Variants in EYS observed in about 807,000 individuals in gnomAD.
EYS encodes the protein protein eyes shut homolog.
EYS carries 250 observed loss-of-function variants against 282.1 expected under a neutral mutation model. That is an observed-to-expected ratio of 0.89 (90% CI 0.80 to 0.98). EYS has a LOEUF of 0.98. Among genes scored for constraint, EYS ranks in the 50% least tolerant of loss-of-function variants. The pLI, the probability that EYS is intolerant of heterozygous loss-of-function variation, is 0.00. For synonymous variants in EYS, 1,355 were observed against 1,282.9 expected (o/e 1.06, Z -1.20); for missense variants, 4,016 against 3,709.0 (o/e 1.08, Z -2.15).
chr6:63,760,678 A>G (rs574874765), intron 41 of EYS, among the ~76,000 whole-genome samples: 15 of 150,848 alleles, frequency 9.9e-5, no homozygotes, highest in African/African-American at 2.7e-4. Context: ...CTATCTATCT[A>G]TCTATCTATC....
At position 63,947,910 on chromosome 6, in the gene EYS, CA is replaced by C. The variant is rs113623702; in HGVS notation, c.7055+36472del. Among the ~76,000 whole-genome samples the C allele has an allele frequency of 2.6e-3, 394 of 152,140 alleles. 1 individual carries two copies. Among genetic ancestry groups the C allele is most frequent in the African/African-American group, 3.9e-3 (160 of 41,514 alleles). ...ACATAACGTTATTCATTATTTAGGC[CA>C]ATATAGCAAGGTTTTTAGTAATAAG... On this transcript the variant is annotated intron_variant, in intron 35 of 42. Transcript: ENST00000503581.
At chr6:63,896,425 G>A (rs2149728358) in intron 35 of EYS, among the ~76,000 whole-genome samples, 1 of 152,188 alleles carries the variant, frequency 6.6e-6, no homozygotes, top group African/African-American at 2.4e-5. Flanking sequence ...GGAATTTTAT[G>A]TTCACAGCAA....
intron 12 of EYS, among the ~76,000 whole-genome samples, chr6:65,149,045 G>A (rs934377642): frequency 2.0e-5 from 3 of 152,080 alleles, no homozygotes; most frequent in African/African-American, 7.2e-5. Flanking sequence ...GCATGTAATG[G>A]GAAGGGCTGC....
chr6:64,210,776 T>C (rs569052336), intron 31 of EYS, among the ~76,000 whole-genome samples: 107 of 152,020 alleles, frequency 7.0e-4, no homozygotes, highest in African/African-American at 2.3e-3. Context: ...ACAGAGGAGA[T>C]TGGTGTGTGA....
chr6:64,804,751 C>T (rs1764371811), intron 22 of EYS, among the ~76,000 whole-genome samples: 1 of 152,150 alleles, frequency 6.6e-6, no homozygotes, highest in South Asian at 2.1e-4. Flanking sequence ...TTGAATATAT[C>T]TGTGTATTTA....
intron 29 of EYS, among the ~76,000 whole-genome samples, chr6:64,335,248 C>CG (rs1554145222): frequency 3.2e-4 from 43 of 135,504 alleles, no homozygotes; most frequent in Non-Finnish European, 5.6e-4. Flanking sequence ...TGACTCCCCC[C>CG]ACCCCCCCTC....
chr6:63,891,611 C>T (rs1036807289), intron 35 of EYS, among the ~76,000 whole-genome samples: 2 of 152,140 alleles, frequency 1.3e-5, no homozygotes, highest in African/African-American at 4.8e-5. Flanking sequence ...CTATTTATGA[C>T]AAACCCATGG....
intron 12 of EYS, among the ~76,000 whole-genome samples, chr6:65,274,663 T>A (rs1767994447): frequency 6.6e-6 from 1 of 152,170 alleles, no homozygotes; most frequent in Admixed American, 6.5e-5. Flanking sequence ...CTTTACTTTC[T>A]ATAAGATATC....
intron 39 of EYS, among the ~76,000 whole-genome samples, chr6:63,785,779 C>G (rs891520434): frequency 5.9e-5 from 9 of 152,084 alleles, no homozygotes; most frequent in Non-Finnish European, 1.3e-4. Flanking sequence ...GAGGCCGAGG[C>G]AGGCGGATGG....
chr6:64,206,518 G>GA (rs1765612026), intron 31 of EYS, among the ~76,000 whole-genome samples: 2 of 152,122 alleles, frequency 1.3e-5, no homozygotes, highest in African/African-American at 4.8e-5. Flanking sequence ...GAAATTCTGT[G>GA]ACTTTTGTCA....
At chr6:63,735,637 A>T (rs1325397785) in intron 41 of EYS, among the ~76,000 whole-genome samples, 1 of 152,142 alleles carries the variant, frequency 6.6e-6, no homozygotes, top group Non-Finnish European at 1.5e-5. Context: ...CTATATAATT[A>T]GCACTCAAAC....
At chr6:65,345,977 T>C (rs144370760) in intron 9 of EYS, among the ~76,000 whole-genome samples, 1 of 151,980 alleles carries the variant, frequency 6.6e-6, no homozygotes, top group African/African-American at 2.4e-5. Flanking sequence ...CACGATTAGC[T>C]GACACTGAGA....
intron 33 of EYS, among the ~76,000 whole-genome samples, chr6:64,027,990 G>T (rs1769616954): frequency 6.6e-6 from 1 of 152,150 alleles, no homozygotes; most frequent in African/African-American, 2.4e-5. Flanking sequence ...AGGAATCCTG[G>T]GACAGCCTGT....
intron 30 of EYS, among the ~76,000 whole-genome samples, chr6:64,306,179 C>T (rs902262828): frequency 6.6e-6 from 1 of 151,900 alleles, no homozygotes; most frequent in Non-Finnish European, 1.5e-5. Context: ...TCAAGTCATC[C>T]CACAGGGCTT....
At chr6:64,440,163 A>C (rs919463036) in intron 26 of EYS, among the ~76,000 whole-genome samples, 1 of 151,902 alleles carries the variant, frequency 6.6e-6, no homozygotes, top group Non-Finnish European at 1.5e-5. Flanking sequence ...TGTATTATTT[A>C]TAACTACTAG....
intron 28 of EYS, among the ~76,000 whole-genome samples, chr6:64,395,432 C>A (rs1205293758): frequency 1.3e-5 from 2 of 152,162 alleles, no homozygotes; most frequent in African/African-American, 4.8e-5. Context: ...CACATATACA[C>A]CATGGAATAC....
chr6:64,182,109 T>A (rs1764804148), intron 31 of EYS, among the ~76,000 whole-genome samples: 1 of 152,106 alleles, frequency 6.6e-6, no homozygotes, highest in African/African-American at 2.4e-5. Flanking sequence ...TAGTGTGAAA[T>A]AAAAAAATTG....
At chr6:63,738,172 A>C (rs965087921) in intron 41 of EYS, among the ~76,000 whole-genome samples, 8 of 152,196 alleles carry the variant, frequency 5.3e-5, no homozygotes, top group African/African-American at 1.9e-4. Flanking sequence ...TGTGGAAGTC[A>C]GTGTGGAGAT....
chr6:65,021,615 CT>C (rs1429925219), intron 13 of EYS, among the ~76,000 whole-genome samples: 1 of 152,182 alleles, frequency 6.6e-6, no homozygotes, highest in Non-Finnish European at 1.5e-5. Flanking sequence ...CAGCCTCTGC[CT>C]GTTACCTAGT....
Sources: allele counts gnomAD v4.1 joint callset (sites outside exome capture counted in the v4.1 genomes callset), GRCh38; gene constraint gnomAD v4.1.1; transcripts MANE v1.5; gene names NCBI Gene and HGNC (gene_info 2026-07-23, HGNC 2026-07-21).